Variants in LRRC37A2 observed in about 807,000 individuals in gnomAD.
LRRC37A2 encodes leucine-rich repeat-containing protein 37A2.
A neutral mutation model predicts 68.8 loss-of-function variants in LRRC37A2; 9 were observed. That is an observed-to-expected ratio of 0.13 (90% CI 0.08 to 0.23). The LOEUF (loss-of-function observed/expected upper bound fraction) is 0.23. Among genes scored for constraint, LRRC37A2 ranks in the 10% least tolerant of loss-of-function variants. LRRC37A2 has a pLI of 1.00. For missense variants in LRRC37A2, 168 were observed against 950.4 expected, an observed-to-expected ratio of 0.18 and a Z score of 10.82; for synonymous variants, 63 against 367.6, an observed-to-expected ratio of 0.17 and a Z score of 9.48.
chr17:46,725,840 A>G, the LRRC37A2 span, among the ~76,000 whole-genome samples: 1 of 152,124 alleles, frequency 6.6e-6, no homozygotes, highest in Non-Finnish European at 1.5e-5. Flanking sequence ...CTGGAATAGT[A>G]CCTTCATTTC....
the LRRC37A2 span, among the ~76,000 whole-genome samples, chr17:46,907,108 A>G: frequency 6.6e-6 from 1 of 152,190 alleles, no homozygotes; most frequent in Non-Finnish European, 1.5e-5. Context: ...GGGAGTACGT[A>G]TCCTAGAAGC....
chr17:46,544,740 A>G (rs1354454465), intron 8 of LRRC37A2, among the ~76,000 whole-genome samples: 3 of 95,242 alleles, frequency 3.1e-5, no homozygotes, highest in South Asian at 3.1e-4. Flanking sequence ...AGTGCCCCCA[A>G]TAAGCCACAA....
At chr17:46,771,742 GA>G in the LRRC37A2 span, among the ~76,000 whole-genome samples, 1 of 115,736 alleles carries the variant, frequency 8.6e-6, no homozygotes, top group Non-Finnish European at 1.8e-5. Context: ...AATCCCCATT[GA>G]AGCGGCGCCC....
chr17:47,026,444 T>C, the LRRC37A2 span, among the ~76,000 whole-genome samples: 1 of 152,336 alleles, frequency 6.6e-6, no homozygotes, highest in Middle Eastern at 3.4e-3. Context: ...AACTCAGTTC[T>C]GGACTCCACC....
chr17:46,715,241 G>C, the LRRC37A2 span, among the ~76,000 whole-genome samples: 1 of 152,206 alleles, frequency 6.6e-6, no homozygotes, highest in African/African-American at 2.4e-5. Flanking sequence ...AGTTTATTCT[G>C]TCTCTGAGGT....
chr17:46,525,612 A>G (rs1431341551), intron 6 of LRRC37A2, among the ~76,000 whole-genome samples: 1 of 118,918 alleles, frequency 8.4e-6, no homozygotes, highest in Admixed American at 8.3e-5. Context: ...TATAATAATA[A>G]TAATCATCAT....
chr17:46,835,009 T>C, the LRRC37A2 span, among the ~76,000 whole-genome samples: 1 of 152,098 alleles, frequency 6.6e-6, no homozygotes, highest in Non-Finnish European at 1.5e-5. Context: ...TCTTCTTCTT[T>C]CTGGAGACAG....
the LRRC37A2 span, among the ~76,000 whole-genome samples, chr17:46,925,601 G>A: frequency 1.3e-5 from 2 of 152,328 alleles, no homozygotes; most frequent in East Asian, 3.9e-4. Context: ...CAGAACTGAT[G>A]ACTGAATGAC....
the LRRC37A2 span, among the ~76,000 whole-genome samples, chr17:47,002,538 G>A: frequency 1.4e-4 from 22 of 151,982 alleles, no homozygotes; most frequent in African/African-American, 5.3e-4. Flanking sequence ...TTACAGGCAC[G>A]TGCCACTAGG....
At chr17:46,828,734 G>A in the LRRC37A2 span, among the ~76,000 whole-genome samples, 1 of 151,658 alleles carries the variant, frequency 6.6e-6, no homozygotes. Flanking sequence ...AAGGCAGGCA[G>A]ATTGCTTTGA....
Position 46,540,255 on chromosome 17 carries a change from C to CTATAGT in LRRC37A2, c.2978+9_2978+14dup. 1 of 1,551,932 alleles carries CTATAGT rather than the reference C, an allele frequency of 6.4e-7. No individual in the cohort carries two copies. The highest frequency in any genetic ancestry group is 2.0e-4 in the Middle Eastern group (1 of 5,012). On this transcript the variant is annotated intron_variant, in intron 7 of 14. Transcript: ENST00000576629. ...GCCAGCATTAAAATATCTGTAAGTA[C>CTATAGT]TATAGTACTCTCATGAGTCAAGAGA...
At chr17:46,835,211 ATTCTTTTTT>A in the LRRC37A2 span, among the ~76,000 whole-genome samples, 19 of 151,198 alleles carry the variant, frequency 1.3e-4, no homozygotes, top group Admixed American at 5.9e-4. Flanking sequence ...GTTGTCCCTT[ATTCTTTTTT>A]TTCTTTTTTG....
chr17:46,949,412 CAT>C, the LRRC37A2 span: 1 of 152,100 alleles, frequency 6.6e-6, no homozygotes, highest in Non-Finnish European at 1.5e-5. Flanking sequence ...CCTCGGAAGT[CAT>C]AGGGCCTCTG....
the LRRC37A2 span, among the ~76,000 whole-genome samples, chr17:46,746,269 T>C: frequency 1.3e-5 from 2 of 152,214 alleles, no homozygotes; most frequent in Admixed American, 1.3e-4. Context: ...TATCTCATAT[T>C]CTATGCGCAG....
At chr17:46,996,403 A>G in the LRRC37A2 span, among the ~76,000 whole-genome samples, 1 of 152,176 alleles carries the variant, frequency 6.6e-6, no homozygotes, top group African/African-American at 2.4e-5. Flanking sequence ...ATCTCAAGGA[A>G]TTTTCAGGAG....
the LRRC37A2 span, chr17:46,711,031 A>G: frequency 6.3e-7 from 1 of 1,592,366 alleles, no homozygotes; most frequent in Non-Finnish European, 8.5e-7. Flanking sequence ...GGGGTGACCC[A>G]GTTACTCGAG....
the LRRC37A2 span, among the ~76,000 whole-genome samples, chr17:46,737,611 A>G: frequency 6.6e-6 from 1 of 150,510 alleles, no homozygotes; most frequent in African/African-American, 2.4e-5. Context: ...GTGTTTTCTG[A>G]TCCATGCAGA....
At chr17:47,000,594 G>T in the LRRC37A2 span, among the ~76,000 whole-genome samples, 35 of 152,156 alleles carry the variant, frequency 2.3e-4, 2 homozygotes, top group South Asian at 7.1e-3. Context: ...CCACCATCAT[G>T]TCTCTCTACT....
the LRRC37A2 span, among the ~76,000 whole-genome samples, chr17:46,873,720 G>T: frequency 6.6e-6 from 1 of 150,442 alleles, no homozygotes; most frequent in Non-Finnish European, 1.5e-5. Context: ...TTTAAACACT[G>T]CAGTTGGCCG....
Sources: gnomAD v4.1 joint callset for allele counts (sites outside exome capture counted in the v4.1 genomes callset) on GRCh38, gnomAD v4.1.1 for gene constraint, MANE v1.5 for transcripts, NCBI Gene and HGNC (gene_info 2026-07-23, HGNC 2026-07-21) for gene names.